Variants in TSPAN32 observed in about 807,000 individuals in gnomAD.
The protein encoded by TSPAN32 is tetraspanin-32.
TSPAN32 carries 47 observed loss-of-function variants against 42.7 expected under a neutral mutation model. The ratio of observed to expected loss-of-function variants is 1.10; its 90% confidence interval spans 0.87 to 1.40. The LOEUF is 1.40. TSPAN32 is among the 40% of genes most tolerant of loss of function. TSPAN32 has a pLI of 0.00. For synonymous variants in TSPAN32, 175 were observed against 175.9 expected, an observed-to-expected ratio of 0.99 and a Z score of 0.04; for missense variants, 469 against 424.1, an observed-to-expected ratio of 1.11 and a Z score of -0.93.
intron 6 of TSPAN32, 90 bp from the exon 7 acceptor site, chr11:2,316,139 G>A (rs1425235967): frequency 4.0e-6 from 6 of 1,517,960 alleles, no homozygotes; most frequent in Non-Finnish European, 5.3e-6. Context: ...GGCCTAGGTG[G>A]GCGCTGCAGC....
At chr11:2,315,793 G>C in intron 6 of TSPAN32, 1 of 1,307,528 alleles carries the variant, frequency 7.6e-7, no homozygotes, top group Non-Finnish European at 1.0e-6. Flanking sequence ...CTGGGACTGT[G>C]CGGGGACCCC....
rs960516121 is a variant in TSPAN32 at position 2,304,417 on chromosome 11, C to A, written c.279+213C>A. 1.3e-5 allele frequency among the ~76,000 whole-genome samples: 2 copies of A among 152,056 alleles called. No homozygotes were observed. Among genetic ancestry groups the A allele is most frequent in the Non-Finnish European group, 2.9e-5 (2 of 67,976 alleles). On this transcript the variant is annotated intron_variant, in intron 3 of 9. Coordinates refer to ENST00000182290, the MANE Select transcript of TSPAN32 (RefSeq NM_139022.3). The surrounding 1 kb of genome is among the most constrained non-coding windows in gnomAD (Gnocchi z 4.8). The stretch of plus-strand genomic sequence containing the variant: ...CCAGGGATGCTAGCCAGCCGAGACC[C>A]CCTACCTGGGTAGCCAAGGCCCCTC...
At chr11:2,315,763 C>G in intron 6 of TSPAN32, 1 of 1,256,948 alleles carries the variant, frequency 8.0e-7, no homozygotes. Context: ...GCACTGGAAG[C>G]CTGGGATGGA....
chr11:2,305,708 C>G (rs926338737), intron 3 of TSPAN32, among the ~76,000 whole-genome samples: 3 of 152,232 alleles, frequency 2.0e-5, no homozygotes, highest in African/African-American at 4.8e-5. Context: ...GCCCCAAGGC[C>G]AGGGTGACTT....
intron 3 of TSPAN32, 25 bp from the exon 4 acceptor site, chr11:2,308,711 G>A (rs201940706): frequency 3.4e-6 from 5 of 1,490,374 alleles, no homozygotes; most frequent in Non-Finnish European, 4.6e-6. Flanking sequence ...GCCCTCAACA[G>A]TGACCAGCCC....
At chr11:2,305,104 C>T (rs1457747889) in intron 3 of TSPAN32, among the ~76,000 whole-genome samples, 1 of 152,236 alleles carries the variant, frequency 6.6e-6, no homozygotes, top group East Asian at 1.9e-4. Context: ...TCAGCTCAGC[C>T]TTCAAGTTCA....
At chr11:2,307,455 G>T (rs1050949072) in intron 3 of TSPAN32, among the ~76,000 whole-genome samples, 7 of 152,164 alleles carry the variant, frequency 4.6e-5, no homozygotes, top group African/African-American at 1.2e-4. Flanking sequence ...ACTCCTGGGG[G>T]AGCTGCCCGG....
In TSPAN32 at chr11:2,313,186, A is replaced by G. The variant is rs960043382; in HGVS notation, c.355-468A>G. Among the ~76,000 whole-genome samples, 1 of 152,148 alleles carries G rather than the reference A, an allele frequency of 6.6e-6. No individual in the cohort carries two copies. The highest frequency in any genetic ancestry group is 1.9e-4 in the East Asian group (1 of 5,188). ...CCGGAGCCCAGCTGCCCGGGCTTCC[A>G]GAAGGCAGCCGGGTGATTCTTGGGA... On this transcript the variant is annotated intron_variant, in intron 4 of 9. Coordinates refer to ENST00000182290, the MANE Select transcript of TSPAN32 (RefSeq NM_139022.3). This position sits in a 1 kb window ranked among gnomAD's most constrained non-coding sequence, Gnocchi z 9.1.
At position 2,316,236 on chromosome 11, in the gene TSPAN32, T is replaced by G; in HGVS notation, c.551T>G (p.Leu184Arg). 2 of 1,587,592 alleles carry G rather than the reference T, an allele frequency of 1.3e-6. No homozygotes were observed. Among genetic ancestry groups the G allele is most frequent in the Non-Finnish European group, 1.7e-6 (2 of 1,168,678 alleles). ...CCTGCTGCCCTCTCACAGGACTGCC[T>G]TCAGGGCATCCGGAGCTTCCTGAGG... ...QGEEAAREDC[L>R]QGIRSFLRTH... Residue 184 changes from leucine to arginine, a missense_variant, in exon 7 of 10, where the codon CTT becomes CGT. Leu to Arg is a moderately radical substitution (Grantham distance 102). Coordinates refer to ENST00000182290, the MANE Select transcript of TSPAN32 (RefSeq NM_139022.3).
Position 2,317,152 on chromosome 11 carries a change from T to C in TSPAN32, c.720-192T>C, listed in dbSNP as rs1848845534. 6.6e-6 allele frequency among the ~76,000 whole-genome samples: 1 copy of C among 152,094 alleles called. No individual in the cohort carries two copies. Among genetic ancestry groups the C allele is most frequent in the African/African-American group, 2.4e-5 (1 of 41,398 alleles). ...TCCCTGGGTCCTCTGCATTCTACAA[T>C]AGCCTCACAGTCCCGTCTAGAACAT... On this transcript the variant is annotated intron_variant, in intron 8 of 9. Transcript: ENST00000182290. This position sits in a 1 kb window ranked among gnomAD's most constrained non-coding sequence, Gnocchi z 6.2.
At chr11:2,302,761 G>A (rs765995068) in intron 1 of TSPAN32, 83 bp from the exon 2 acceptor site, 1 of 1,140,568 alleles carries the variant, frequency 8.8e-7, no homozygotes, top group East Asian at 2.5e-5. Flanking sequence ...GCTGGAGAGA[G>A]CCCCAACCCT....
intron 6 of TSPAN32, chr11:2,315,943 C>G (rs745481132): frequency 6.6e-7 from 1 of 1,522,404 alleles, no homozygotes; most frequent in Non-Finnish European, 8.8e-7. Context: ...GGGGAGCCAA[C>G]GTGTGGCCCA....
At chr11:2,315,936 G>A (rs1364363969) in intron 6 of TSPAN32, 3 of 1,518,126 alleles carry the variant, frequency 2.0e-6, no homozygotes, top group Non-Finnish European at 8.9e-7. Flanking sequence ...CGGCCCAGGG[G>A]AGCCAACGTG....
chr11:2,310,897 C>T (rs542179802), intron 4 of TSPAN32, among the ~76,000 whole-genome samples: 2 of 152,282 alleles, frequency 1.3e-5, no homozygotes, highest in East Asian at 3.9e-4. Context: ...CTGCACATCC[C>T]GTCTCCTGCC....
intron 1 of TSPAN32, among the ~76,000 whole-genome samples, 184 bp downstream of exon 1, chr11:2,302,399 G>A (rs1847807936): frequency 6.6e-6 from 1 of 152,216 alleles, no homozygotes; most frequent in Non-Finnish European, 1.5e-5. Context: ...GGACCACCAT[G>A]AGCAACCCCG....
chr11:2,308,307 C>T (rs913200224), intron 3 of TSPAN32, among the ~76,000 whole-genome samples: 1 of 152,060 alleles, frequency 6.6e-6, no homozygotes, highest in Admixed American at 6.5e-5. Context: ...ACACCTCGAC[C>T]AAGCATCCTG....
At chr11:2,315,429 G>A in intron 6 of TSPAN32, 1 of 1,136,504 alleles carries the variant, frequency 8.8e-7, no homozygotes, top group Non-Finnish European at 1.1e-6. Context: ...TGCCACCCAA[G>A]GAGAGACTGA....
chr11:2,316,524 G>A (rs773767065), intron 7 of TSPAN32, 52 bp from the exon 8 acceptor site: 1 of 1,609,616 alleles, frequency 6.2e-7, no homozygotes, highest in Non-Finnish European at 8.5e-7. Flanking sequence ...TTCCTGGGGA[G>A]GGGCGCCCGC....
chr11:2,312,477 A>G (rs1350591798), intron 4 of TSPAN32, among the ~76,000 whole-genome samples: 1 of 152,130 alleles, frequency 6.6e-6, no homozygotes, highest in East Asian at 1.9e-4. Flanking sequence ...ACTCACGGAG[A>G]GTGGTCTGAC....
Sources: gnomAD v4.1 joint callset for allele counts (sites outside exome capture counted in the v4.1 genomes callset) on GRCh38, gnomAD v4.1.1 for gene constraint, Gnocchi (gnomAD v3.1) non-coding constraint, MANE v1.5 for transcripts, NCBI Gene and HGNC (gene_info 2026-07-23, HGNC 2026-07-21) for gene names.